DAPK2: variants seen among roughly 807,000 people sequenced by gnomAD.
DAPK2 encodes death associated protein kinase 2.
A neutral mutation model predicts 44.1 loss-of-function variants in DAPK2; 35 were observed. The ratio of observed to expected loss-of-function variants is 0.79; its 90% CI spans 0.61 to 1.05. DAPK2 has a LOEUF of 1.05. Ranked by LOEUF, DAPK2 falls within the 50% of genes least tolerant of loss-of-function variation. The pLI is 0.00. For missense variants in DAPK2, 453 were observed against 483.2 expected (o/e 0.94, Z 0.59); for synonymous variants, 174 against 182.6 (o/e 0.95, Z 0.38).
chr15:64,016,838 G>GGGAAGGAA (rs56666247), intron 1 of DAPK2, among the ~76,000 whole-genome samples: 29 of 118,166 alleles, frequency 2.5e-4, no homozygotes, highest in Middle Eastern at 3.8e-3. Context: ...GAAGGAAGGA[G>GGGAAGGAA]GGAAGGAAGG....
At chr15:63,933,594 T>G (rs116130443) in intron 4 of DAPK2, among the ~76,000 whole-genome samples, 2,392 of 129,760 alleles carry the variant, frequency 0.018, 64 homozygotes, top group African/African-American at 0.071. Context: ...CAGGACAGAT[T>G]GATTTTTTTT....
At chr15:63,972,794 T>C (rs2078248236) in intron 2 of DAPK2, among the ~76,000 whole-genome samples, 1 of 152,158 alleles carries the variant, frequency 6.6e-6, no homozygotes, top group Non-Finnish European at 1.5e-5. Flanking sequence ...GTATGCAAAA[T>C]TCTCAGCCTC....
chr15:63,979,373 C>A (rs548616439), intron 2 of DAPK2, among the ~76,000 whole-genome samples: 75 of 152,306 alleles, frequency 4.9e-4, no homozygotes, highest in African/African-American at 1.6e-3. Flanking sequence ...CAGAGCCAGG[C>A]ATGTCCTCCT....
chr15:63,939,086 C>T lies in DAPK2; in HGVS notation c.583+146G>A. The T allele has an allele frequency of 1.4e-6, 2 of 1,421,108 alleles. No individual in the cohort carries two copies. Among genetic ancestry groups the T allele is most frequent in the East Asian group, 2.4e-5 (1 of 42,358 alleles). The allele number at this position is 1,421,108 out of a possible 1,614,324, so 88.0% of individuals were successfully genotyped here. ...CATCCCCAGGCCCAATAAGACATTT[C>T]CTTCCCCACCCATTAGGTTTCTAGA... On this transcript the variant is annotated intron_variant, in intron 4 of 10. Coordinates refer to ENST00000261891, the Ensembl canonical transcript of DAPK2. The surrounding 1 kb of genome is among the most constrained non-coding windows in gnomAD (Gnocchi z 4.3).
Position 63,980,981 on chromosome 15 carries a change from T to C in DAPK2, c.314+2552A>G, listed in dbSNP as rs2078491240. On this transcript the variant is annotated intron_variant, in intron 2 of 10. Coordinates refer to ENST00000261891, the Ensembl canonical transcript of DAPK2. The surrounding 1 kb of genome is among the most constrained non-coding windows in gnomAD (Gnocchi z 4.3). ...GGTGGGTGCCTGTAATTCCAGCTAC[T>C]TGGGAGGCTGAGGTAGGAGAATAGC... is the stretch of plus-strand genomic sequence containing the variant. Among the ~76,000 whole-genome samples the C allele has an allele frequency of 6.6e-6, 1 of 151,932 alleles. No individual in the cohort carries two copies. The highest frequency in any genetic ancestry group is 2.4e-5 in the African/African-American group (1 of 41,340).
chr15:64,030,975 C>CAT (rs1372967343), intron 1 of DAPK2, among the ~76,000 whole-genome samples: 4 of 105,492 alleles, frequency 3.8e-5, no homozygotes, highest in Admixed American at 1.2e-4. Flanking sequence ...TCAAAATACA[C>CAT]ACATACACAC....
chr15:63,924,754 G>C lies in DAPK2; in HGVS notation c.858+62C>G, dbSNP rs929063489. 4.4e-6 allele frequency: 7 copies of C among 1,594,170 alleles called. No homozygotes were observed. The Admixed American group carries it at 1.2e-4, about 27-fold the overall frequency. On this transcript the variant is annotated intron_variant, in intron 8 of 10. Transcript: ENST00000261891. ...TGGGCCCTCTGCATCTGGCTGCCCA[G>C]GCCAACCCTGGCGACAGAGCAGGGA...
intron 2 of DAPK2, among the ~76,000 whole-genome samples, chr15:63,974,865 G>T (rs2078301988): frequency 1.3e-5 from 2 of 152,174 alleles, no homozygotes; most frequent in Admixed American, 1.3e-4. Context: ...AGTAGAGTCA[G>T]GTTGGAATTT....
chr15:64,045,900 G>T (rs1424242453), intron 1 of DAPK2, among the ~76,000 whole-genome samples: 3 of 152,234 alleles, frequency 2.0e-5, no homozygotes, highest in African/African-American at 7.2e-5. Context: ...TCACATCCTT[G>T]TGCCAGGCGG....
intron 1 of DAPK2, among the ~76,000 whole-genome samples, chr15:63,998,824 G>C (rs1257697446): frequency 6.6e-6 from 1 of 152,232 alleles, no homozygotes; most frequent in Admixed American, 6.5e-5. Flanking sequence ...TTGTGCGTTT[G>C]TGCTGGATGA....
At chr15:64,009,094 G>A (rs973927442) in intron 1 of DAPK2, among the ~76,000 whole-genome samples, 1 of 152,072 alleles carries the variant, frequency 6.6e-6, no homozygotes, top group Non-Finnish European at 1.5e-5. Flanking sequence ...CCTCCATCAT[G>A]GGATTCAGCC....
chr15:63,943,617 A>G (rs1222010777), intron 3 of DAPK2, among the ~76,000 whole-genome samples: 1 of 152,146 alleles, frequency 6.6e-6, no homozygotes, highest in Non-Finnish European at 1.5e-5. Flanking sequence ...TCATGCCTGT[A>G]TTCCCAGCAC....
intron 1 of DAPK2, among the ~76,000 whole-genome samples, chr15:63,995,323 T>C (rs1222055658): frequency 6.6e-6 from 1 of 152,198 alleles, no homozygotes; most frequent in African/African-American, 2.4e-5. Context: ...CTATTCCTTT[T>C]TCTTATTACT....
chr15:64,017,799 C>T (rs2079571198), intron 1 of DAPK2, among the ~76,000 whole-genome samples: 1 of 152,258 alleles, frequency 6.6e-6, no homozygotes, highest in East Asian at 1.9e-4. Context: ...ACAATGATTC[C>T]CATTGTGTTG....
chr15:64,008,867 T>G (rs1216118621), intron 1 of DAPK2, among the ~76,000 whole-genome samples: 1 of 151,910 alleles, frequency 6.6e-6, no homozygotes, highest in Admixed American at 6.6e-5. Context: ...CAATCAAGGG[T>G]GTACTTGAGG....
chr15:63,996,452 A>T (rs2078951124), intron 1 of DAPK2, among the ~76,000 whole-genome samples: 1 of 152,138 alleles, frequency 6.6e-6, no homozygotes, highest in Non-Finnish European at 1.5e-5. Context: ...TAAACACAAA[A>T]ATATTAAAAA....
chr15:64,021,628 G>C (rs2079686039), intron 1 of DAPK2, among the ~76,000 whole-genome samples: 1 of 152,202 alleles, frequency 6.6e-6, no homozygotes, highest in African/African-American at 2.4e-5. Context: ...TCACAATCTG[G>C]CTTGAAATAC....
intron 1 of DAPK2, among the ~76,000 whole-genome samples, chr15:64,025,393 G>A (rs1282108641): frequency 6.6e-6 from 1 of 152,134 alleles, no homozygotes; most frequent in Non-Finnish European, 1.5e-5. Context: ...TCCTACCCCA[G>A]CCACACTCCA....
At chr15:63,959,588 C>T (rs948691095) in intron 3 of DAPK2, among the ~76,000 whole-genome samples, 20 of 152,152 alleles carry the variant, frequency 1.3e-4, no homozygotes, top group Admixed American at 3.9e-4. Context: ...TTGTTGAGGG[C>T]CTTTTCTGCA....
Sources: gnomAD v4.1 joint callset for allele counts (sites outside exome capture counted in the v4.1 genomes callset) on GRCh38, gnomAD v4.1.1 for gene constraint, Gnocchi (gnomAD v3.1) non-coding constraint, MANE v1.5 for transcripts, NCBI Gene and HGNC (gene_info 2026-07-23, HGNC 2026-07-21) for gene names.